The following PIWIL4 variants were observed in gnomAD, a reference collection of about 807,000 sequenced individuals.
The protein encoded by PIWIL4 is piwi-like protein 4.
In PIWIL4, 50 loss-of-function variants were observed where a neutral mutation model predicts 100.9. The ratio of observed to expected loss-of-function variants is 0.50; its 90% confidence interval spans 0.39 to 0.63. The LOEUF (loss-of-function observed/expected upper bound fraction) is 0.63, where lower values mean the gene tolerates loss of function less well. Among genes scored for constraint, PIWIL4 ranks in the 20% least tolerant of loss-of-function variants. PIWIL4 has a pLI of 0.00. For missense variants in PIWIL4, 887 were observed against 1,043.3 expected, an observed-to-expected ratio of 0.85 and a Z score of 2.06; for synonymous variants, 342 against 367.5, an observed-to-expected ratio of 0.93 and a Z score of 0.79.
At chr11:94,581,616 C>T (rs1241126686) in intron 4 of PIWIL4, among the ~76,000 whole-genome samples, 2 of 152,168 alleles carry the variant, frequency 1.3e-5, no homozygotes, top group Non-Finnish European at 2.9e-5. Context: ...TTACTCTGAT[C>T]ACATCCTATT....
In PIWIL4 at chr11:94,573,745, A is replaced by G. The variant is rs141201417; in HGVS notation, c.167-1254A>G. ...GGGAAAATTGGAGTTTTATTTATTT[A>G]TCTTAAAATATATATAACATAAAAT... On this transcript the variant is annotated intron_variant, in intron 2 of 19. Coordinates refer to ENST00000299001, the MANE Select transcript of PIWIL4 (RefSeq NM_152431.3). 2.8e-3 allele frequency among the ~76,000 whole-genome samples: 421 copies of G among 152,286 alleles called. 2 individuals are homozygous for G. Among genetic ancestry groups the G allele is most frequent in the African/African-American group, 9.6e-3 (400 of 41,558 alleles).
chr11:94,574,948 G>T (rs775315757), intron 2 of PIWIL4, 51 bp from the exon 3 acceptor site: 2 of 1,566,132 alleles, frequency 1.3e-6, no homozygotes, highest in South Asian at 2.3e-5. Context: ...GTTGCAAACA[G>T]TATCACTAGA....
chr11:94,608,474 CT>C, intron 14 of PIWIL4, 108 bp from the exon 15 acceptor site: 1 of 897,990 alleles, frequency 1.1e-6, no homozygotes, highest in Non-Finnish European at 1.8e-6. Flanking sequence ...CATAGCTTAA[CT>C]TTAAGAATTC....
At chr11:94,586,266 T>G (rs1948397069) in intron 6 of PIWIL4, among the ~76,000 whole-genome samples, 1 of 152,068 alleles carries the variant, frequency 6.6e-6, no homozygotes, top group South Asian at 2.1e-4. Context: ...AGGTGCTGAT[T>G]GTACTAAACT....
Position 94,603,255 on chromosome 11 carries a change from G to T in PIWIL4, c.1566-729G>T, listed in dbSNP as rs185096674. On this transcript the variant is annotated intron_variant, in intron 12 of 19. Coordinates refer to ENST00000299001, the MANE Select transcript of PIWIL4 (RefSeq NM_152431.3). The stretch of plus-strand genomic sequence containing the variant: ...TGTTAGTATCTGCAGTCATGGGGTT[G>T]ATGGTCCTGTCACCTGCTGGGCGAG... Among the ~76,000 whole-genome samples, 296 of 152,302 alleles carry T rather than the reference G, an allele frequency of 1.9e-3. 2 individuals are homozygous for T. Among genetic ancestry groups the T allele is most frequent in the African/African-American group, 6.6e-3 (276 of 41,550 alleles).
chr11:94,596,351 G>A (rs1353793190), intron 10 of PIWIL4, among the ~76,000 whole-genome samples: 2 of 151,330 alleles, frequency 1.3e-5, no homozygotes, highest in East Asian at 1.9e-4. Context: ...GAGTGTGTAT[G>A]TGTGTTTACT....
At chr11:94,615,214 A>G (rs1205177248) in intron 15 of PIWIL4, among the ~76,000 whole-genome samples, 1 of 152,116 alleles carries the variant, frequency 6.6e-6, no homozygotes, top group East Asian at 1.9e-4. Flanking sequence ...GTTCTGGTTG[A>G]GGCAAGAAAA....
rs1327336985 is a variant in PIWIL4, at chr11:94,567,429, C to G, written c.-90C>G. The G allele has an allele frequency of 2.8e-5, 34 of 1,206,958 alleles. No individual in the cohort carries two copies. Among genetic ancestry groups the G allele is most frequent in the Non-Finnish European group, 3.8e-5 (34 of 898,942 alleles). The allele number at this position is 1,206,958 out of a possible 1,614,324, so 74.8% of individuals were successfully genotyped here. ...CATCCACCGCCTCCAGGCAGTTTCG[C>G]CGTCACACCGTCGCCATCTGTAGCC... On this transcript the variant is annotated 5_prime_UTR_variant, in exon 1 of 20. Transcript: ENST00000299001.
At chr11:94,589,269 T>C (rs1948447731) in intron 8 of PIWIL4, 37 bp downstream of exon 8, 1 of 1,511,206 alleles carries the variant, frequency 6.6e-7, no homozygotes, top group South Asian at 1.1e-5. Context: ...TCTCCTTTTC[T>C]TTTACCTCAG....
At chr11:94,595,172 C>CTTA in intron 9 of PIWIL4, 137 bp from the exon 10 acceptor site, 1 of 618,940 alleles carries the variant, frequency 1.6e-6, no homozygotes, top group African/African-American at 1.8e-5. Context: ...CTTAAAATGA[C>CTTA]ATACGTGGTT....
At chr11:94,613,078 TTTATG>T (rs1370260164) in intron 15 of PIWIL4, among the ~76,000 whole-genome samples, 1 of 152,194 alleles carries the variant, frequency 6.6e-6, no homozygotes, top group African/African-American at 2.4e-5. Context: ...TTTATATGTT[TTTATG>T]TTACTTATTA....
In PIWIL4 at chr11:94,568,743, A is replaced by C. The variant is rs775403936; in HGVS notation, c.101A>C (p.Asp34Ala). 1 of 1,606,694 alleles carries C rather than the reference A, an allele frequency of 6.2e-7. No individual in the cohort carries two copies. The change falls in exon 2 of 20, where the codon GAT becomes GCT. Residue 34 changes from aspartate (D) to alanine (A), a missense_variant. Physicochemically the swap from Asp to Ala is moderately radical, Grantham distance 126 (BLOSUM62 -2). Coordinates refer to ENST00000299001, the MANE Select transcript of PIWIL4 (RefSeq NM_152431.3). ...TTGCCATTTTAGCCTAGATCTGTTG[A>C]TCTTAGTAACAATGAAGCATCCTCT... is the stretch of plus-strand genomic sequence containing the variant. ...IQASPLPRSVDLSNNEASSSN... is the reference protein window; with the variant it reads ...IQASPLPRSVALSNNEASSSN...
At chr11:94,602,998 GTC>G (rs1461829887) in intron 12 of PIWIL4, among the ~76,000 whole-genome samples, 2 of 152,200 alleles carry the variant, frequency 1.3e-5, no homozygotes, top group Non-Finnish European at 2.9e-5. Flanking sequence ...GCTATGTTCT[GTC>G]CTTGGCCTGT....
intron 16 of PIWIL4, among the ~76,000 whole-genome samples, chr11:94,617,179 T>C (rs1948856335): frequency 2.0e-5 from 3 of 151,984 alleles, no homozygotes; most frequent in Non-Finnish European, 2.9e-5. Context: ...AAAAATGAAT[T>C]TGCTTATACA....
At chr11:94,583,654 G>A in intron 5 of PIWIL4, 85 bp downstream of exon 5, 2 of 1,555,276 alleles carry the variant, frequency 1.3e-6, no homozygotes, top group Non-Finnish European at 8.8e-7. Flanking sequence ...CGACCATTTT[G>A]TAGGCAGTGT....
rs771817238 is a variant in PIWIL4, at chr11:94,608,576, TTTATAG to T, written c.1840-3_1842del. ...CCCATTAAATCATGACAAATTTAAT[TTTATAG>T]TTAAAGTCCCTGATGGTGGTCGGTA... On this transcript the variant is annotated splice_acceptor_variant and splice_polypyrimidine_tract_variant and intron_variant, in intron 14 of 19. Coordinates refer to ENST00000299001, the MANE Select transcript of PIWIL4 (RefSeq NM_152431.3). LOFTEE classifies it high-confidence loss of function. The T allele has an allele frequency of 3.7e-6, 6 of 1,611,336 alleles. No homozygotes were observed. The highest frequency in any genetic ancestry group is 1.1e-5 in the South Asian group (1 of 90,858).
rs1948576682 is a variant in PIWIL4, at chr11:94,597,862, T to G, written c.1327T>G (p.Ser443Ala). The part of the protein sequence containing the change: ...TWGLHFGSQI[S>A]LTGRIVPSEK... ...GGGACTGCATTTTGGAAGCCAGATA[T>G]CTCTGACTGGCCGGATTGTGCCTTC... Residue 443 changes from serine to alanine, a missense_variant, in exon 11 of 20, where the codon TCT (serine) becomes GCT (alanine). Physicochemically the swap from Ser to Ala is moderately conservative, Grantham distance 99 (BLOSUM62 1). Coordinates refer to ENST00000299001, the MANE Select transcript of PIWIL4 (RefSeq NM_152431.3). The G allele has an allele frequency of 1.2e-6, 2 of 1,613,982 alleles. No homozygotes were observed. The highest frequency in any genetic ancestry group is 1.7e-6 in the Non-Finnish European group (2 of 1,179,968).
chr11:94,585,613 C>A, intron 6 of PIWIL4, 88 bp downstream of exon 6: 1 of 892,956 alleles, frequency 1.1e-6, no homozygotes. Context: ...ATTATGCCTC[C>A]TGTGAGAGAC....
chr11:94,618,232 A>G, intron 17 of PIWIL4, 125 bp downstream of exon 17: 1 of 943,718 alleles, frequency 1.1e-6, no homozygotes. Context: ...GTGTTTCTGT[A>G]TCATGCCAGT....
Sources: gnomAD v4.1 joint callset for allele counts (sites outside exome capture counted in the v4.1 genomes callset) on GRCh38, gnomAD v4.1.1 for gene constraint, MANE v1.5 for transcripts, NCBI Gene and HGNC (gene_info 2026-07-23, HGNC 2026-07-21) for gene names.